EPHA5: variants seen among roughly 807,000 people sequenced by gnomAD.
The protein encoded by EPHA5 is EPH receptor A5.
A neutral mutation model predicts 105.0 loss-of-function variants in EPHA5; 60 were observed. The ratio of observed to expected loss-of-function variants is 0.57; its 90% CI spans 0.46 to 0.71. EPHA5 has a LOEUF of 0.71. EPHA5 is among the 30% of genes least tolerant of loss of function. The pLI, the probability that EPHA5 is intolerant of heterozygous loss-of-function variation, is 0.00. For synonymous variants in EPHA5, 513 were observed against 449.1 expected, an observed-to-expected ratio of 1.14 and a Z score of -1.80; for missense variants, 1,218 against 1,274.7, an observed-to-expected ratio of 0.96 and a Z score of 0.68.
At chr4:65,534,514 G>T (rs115269433) in intron 3 of EPHA5, among the ~76,000 whole-genome samples, 9 of 152,144 alleles carry the variant, frequency 5.9e-5, no homozygotes, top group Non-Finnish European at 1.0e-4. Flanking sequence ...ACTTATAAAA[G>T]AAAAAATGAA....
intron 5 of EPHA5, among the ~76,000 whole-genome samples, chr4:65,440,499 T>TACACACACACAC (rs71657410): frequency 0.022 from 3,146 of 143,372 alleles, 54 homozygotes; most frequent in South Asian, 0.039. Context: ...TCCTAAATCT[T>TACACACACACAC]ACACACACAC....
rs1719715889 is a variant in EPHA5, at chr4:65,322,532, T to C, written c.*1582A>G. The stretch of plus-strand genomic sequence containing the variant: ...CCATAATTTTTATAAAGTGTAATAA[T>C]ACAAAAATGTTGGTTATCTCAGGAG... On this transcript the variant is annotated 3_prime_UTR_variant, in exon 17 of 17. Transcript: ENST00000613740. 4.4e-6 allele frequency: 1 copy of C among 225,152 alleles called. No individual in the cohort carries two copies. The highest frequency in any genetic ancestry group is 8.9e-6 in the Non-Finnish European group (1 of 112,874). 13.9% of individuals were successfully genotyped at this position (225,152 alleles called of 1,614,324 possible).
chr4:65,446,116 T>C (rs980561654), intron 5 of EPHA5, among the ~76,000 whole-genome samples: 1 of 152,172 alleles, frequency 6.6e-6, no homozygotes, highest in African/African-American at 2.4e-5. Flanking sequence ...TTCACCCTCA[T>C]GATATTTTTA....
chr4:65,492,536 T>C (rs1175271181), intron 4 of EPHA5, among the ~76,000 whole-genome samples: 1 of 90,792 alleles, frequency 1.1e-5, no homozygotes, highest in Non-Finnish European at 2.1e-5. Flanking sequence ...TTGACATCTT[T>C]GCAAAAAAAA....
intron 2 of EPHA5, among the ~76,000 whole-genome samples, chr4:65,640,868 A>T (rs1225961018): frequency 6.6e-6 from 1 of 152,122 alleles, no homozygotes; most frequent in Non-Finnish European, 1.5e-5. Context: ...ATTCCAAATA[A>T]TTCATTGAGA....
At chr4:65,632,002 A>C (rs1746680444) in intron 2 of EPHA5, among the ~76,000 whole-genome samples, 1 of 151,896 alleles carries the variant, frequency 6.6e-6, no homozygotes, top group Non-Finnish European at 1.5e-5. Context: ...CCAACATCAC[A>C]CTGAGTCCTC....
At chr4:65,387,752 T>C (rs934647592) in intron 8 of EPHA5, among the ~76,000 whole-genome samples, 58 of 152,080 alleles carry the variant, frequency 3.8e-4, no homozygotes, top group African/African-American at 1.0e-3. Flanking sequence ...ATGGAAGTCA[T>C]ACAAATGTAG....
intron 7 of EPHA5, among the ~76,000 whole-genome samples, chr4:65,405,835 C>T (rs184698648): frequency 4.0e-4 from 61 of 152,042 alleles, no homozygotes; most frequent in African/African-American, 1.4e-3. Context: ...GTACCCTTTC[C>T]CCAAGGTCTG....
chr4:65,543,560 G>A (rs13143662), intron 3 of EPHA5, among the ~76,000 whole-genome samples: 113,869 of 151,878 alleles, frequency 0.75, 42,944 homozygotes, highest in African/African-American at 0.79. Flanking sequence ...ACCATTGCTC[G>A]AGAAAATAAG....
chr4:65,664,462 CA>C (rs1190276863), intron 1 of EPHA5, among the ~76,000 whole-genome samples: 1 of 151,872 alleles, frequency 6.6e-6, no homozygotes, highest in Non-Finnish European at 1.5e-5. Context: ...ACAAAGCCTT[CA>C]GAACTCATTT....
At chr4:65,488,444 A>G (rs940979218) in intron 5 of EPHA5, among the ~76,000 whole-genome samples, 1 of 152,242 alleles carries the variant, frequency 6.6e-6, no homozygotes, top group African/African-American at 2.4e-5. Context: ...AGAAGGCTGA[A>G]GCCAAAGGTT....
intron 5 of EPHA5, among the ~76,000 whole-genome samples, chr4:65,460,178 A>G (rs765432921): frequency 1.3e-5 from 2 of 151,576 alleles, no homozygotes; most frequent in Admixed American, 6.6e-5. Context: ...CTGCTGATGG[A>G]AATATATATA....
intron 8 of EPHA5, chr4:65,377,015 G>A: frequency 1.2e-6 from 2 of 1,608,352 alleles, no homozygotes; most frequent in Non-Finnish European, 1.7e-6. Context: ...GGCTTGGATG[G>A]GCAACAGCGC....
chr4:65,560,652 C>T (rs919036570), intron 3 of EPHA5, among the ~76,000 whole-genome samples: 14 of 151,990 alleles, frequency 9.2e-5, no homozygotes, highest in East Asian at 3.9e-4. Context: ...CTTTGTCCAT[C>T]TCTAAGTTGA....
intron 3 of EPHA5, among the ~76,000 whole-genome samples, chr4:65,502,814 A>G (rs946991798): frequency 1.1e-4 from 17 of 151,716 alleles, no homozygotes; most frequent in Non-Finnish European, 2.1e-4. Flanking sequence ...GTGCAGTACT[A>G]ATCAATATCA....
chr4:65,659,005 A>T (rs1749307948), intron 1 of EPHA5, among the ~76,000 whole-genome samples: 1 of 152,024 alleles, frequency 6.6e-6, no homozygotes, highest in African/African-American at 2.4e-5. Context: ...CTTGTATGTA[A>T]AGGAGGAAAA....
intron 11 of EPHA5, among the ~76,000 whole-genome samples, chr4:65,353,852 T>C (rs1298486072): frequency 6.6e-6 from 1 of 151,776 alleles, no homozygotes; most frequent in African/African-American, 2.4e-5. Context: ...TTAACCCCAC[T>C]TTTCTTTTCA....
rs576918296 is a variant in EPHA5 at position 65,416,837 on chromosome 4, T to A, written c.1528-2394A>T. On this transcript the variant is annotated intron_variant, in intron 6 of 16. Transcript: ENST00000613740. ...AAAACCAACGAATACACATTGTGAA[T>A]CATCTAAGCGTCTTCCAAAATTTAA... Among the ~76,000 whole-genome samples the A allele has an allele frequency of 5.3e-5, 8 of 152,314 alleles. No individual in the cohort carries two copies. The South Asian group carries it at 1.7e-3, about 32-fold the overall frequency.
chr4:65,409,425 T>C (rs1044252323), intron 7 of EPHA5, among the ~76,000 whole-genome samples: 3 of 151,984 alleles, frequency 2.0e-5, no homozygotes, highest in Non-Finnish European at 2.9e-5. Context: ...ATAATAATGT[T>C]TCTTAAAAAA....
Sources: allele counts gnomAD v4.1 joint callset (sites outside exome capture counted in the v4.1 genomes callset), GRCh38; gene constraint gnomAD v4.1.1; transcripts MANE v1.5; gene names NCBI Gene and HGNC (gene_info 2026-07-23, HGNC 2026-07-21).